Variants in DIPK1A observed in about 807,000 individuals in gnomAD.
DIPK1A encodes the protein family with sequence similarity 69 member A.
In DIPK1A, 27 loss-of-function variants were observed where a neutral mutation model predicts 40.8. The ratio of observed to expected loss-of-function variants is 0.66; its 90% CI spans 0.49 to 0.91. DIPK1A has a LOEUF of 0.91. Among genes scored for constraint, DIPK1A ranks in the 40% least tolerant of loss-of-function variants. DIPK1A has a pLI of 0.00. For synonymous variants in DIPK1A, 166 were observed against 171.3 expected, an observed-to-expected ratio of 0.97 and a Z score of 0.24; for missense variants, 412 against 505.7, an observed-to-expected ratio of 0.81 and a Z score of 1.78.
At chr1:92,928,816 G>C (rs1271949210) in intron 1 of DIPK1A, among the ~76,000 whole-genome samples, 1 of 152,126 alleles carries the variant, frequency 6.6e-6, no homozygotes, top group Non-Finnish European at 1.5e-5. Flanking sequence ...ACAAAAATCA[G>C]CTGGGCGTGG....
chr1:92,911,227 G>T (rs1056395791), intron 1 of DIPK1A, among the ~76,000 whole-genome samples: 1 of 152,126 alleles, frequency 6.6e-6, no homozygotes, highest in African/African-American at 2.4e-5. Context: ...TAAAACATGG[G>T]GGCAGAGCCC....
intron 1 of DIPK1A, among the ~76,000 whole-genome samples, chr1:92,895,085 G>A (rs1479942342): frequency 2.6e-5 from 4 of 152,054 alleles, no homozygotes; most frequent in South Asian, 2.1e-4. Context: ...ACAAGGAGGA[G>A]CTGGTACCAT....
intron 4 of DIPK1A, chr1:92,835,227 C>T (rs769455248): frequency 5.7e-5 from 25 of 435,554 alleles, no homozygotes; most frequent in Non-Finnish European, 6.8e-5. Flanking sequence ...ACAATGAAGA[C>T]CCTTGCTACT....
At position 92,909,404 on chromosome 1, in the gene DIPK1A, G is replaced by A. The variant is rs576353043; in HGVS notation, c.55-32974C>T. 1.1e-4 allele frequency among the ~76,000 whole-genome samples: 16 copies of A among 152,222 alleles called. No homozygotes were observed. In the East Asian group the frequency reaches 2.7e-3, roughly 26 times the overall value. On this transcript the variant is annotated intron_variant, in intron 1 of 4. Coordinates refer to ENST00000370310, the MANE Select transcript of DIPK1A (RefSeq NM_001006605.5). ...AAAATACACACAATAAAAGCCAAAC[G>A]GGTCCAGGCTGGTTCTCCGATGCCT... is the stretch of plus-strand genomic sequence containing the variant.
chr1:92,880,634 T>C (rs568154323), intron 1 of DIPK1A, among the ~76,000 whole-genome samples: 4 of 152,090 alleles, frequency 2.6e-5, no homozygotes, highest in African/African-American at 9.6e-5. Flanking sequence ...TTTGGGAGGC[T>C]GAGGTGGGAG....
intron 2 of DIPK1A, among the ~76,000 whole-genome samples, chr1:92,852,071 G>A (rs895466854): frequency 1.3e-5 from 2 of 152,146 alleles, no homozygotes; most frequent in Admixed American, 6.6e-5. Flanking sequence ...GTTGCTTCCC[G>A]CACATGGCTG....
chr1:92,836,413 C>T (rs932454617), intron 4 of DIPK1A: 2 of 1,606,256 alleles, frequency 1.2e-6, no homozygotes, highest in African/African-American at 1.3e-5. Context: ...TATTTAAGAC[C>T]TTGGTGCCTG....
intron 1 of DIPK1A, among the ~76,000 whole-genome samples, chr1:92,923,144 T>C (rs1455098642): frequency 3.3e-5 from 5 of 152,300 alleles, no homozygotes; most frequent in African/African-American, 1.2e-4. Context: ...TGTATGTTTG[T>C]TTTTGTTTTT....
At chr1:92,872,137 T>G (rs1010018254) in intron 2 of DIPK1A, among the ~76,000 whole-genome samples, 1 of 135,920 alleles carries the variant, frequency 7.4e-6, no homozygotes, top group Non-Finnish European at 1.5e-5. Context: ...TGGAGTGCAG[T>G]GATGTGATCT....
intron 3 of DIPK1A, among the ~76,000 whole-genome samples, chr1:92,850,348 AAAAC>A (rs147844605): frequency 0.015 from 2,231 of 152,310 alleles, 21 homozygotes; most frequent in Admixed American, 0.033. Flanking sequence ...AAAACAAAAC[AAAAC>A]AGTGTCTGGA....
At chr1:92,883,986 T>TA (rs1374589965) in intron 1 of DIPK1A, among the ~76,000 whole-genome samples, 1 of 152,180 alleles carries the variant, frequency 6.6e-6, no homozygotes, top group East Asian at 1.9e-4. Flanking sequence ...CCTTCTGCCT[T>TA]AGAGGAGAAC....
chr1:92,857,707 G>A (rs1345934520), intron 2 of DIPK1A, among the ~76,000 whole-genome samples: 2 of 152,070 alleles, frequency 1.3e-5, no homozygotes, highest in Admixed American at 6.6e-5. Context: ...CTATGGAATA[G>A]GTATTACCAT....
chr1:92,878,989 A>G (rs372536391), intron 1 of DIPK1A, among the ~76,000 whole-genome samples: 17 of 152,242 alleles, frequency 1.1e-4, no homozygotes, highest in African/African-American at 4.1e-4. Flanking sequence ...CCTGGGTGAC[A>G]GAGCAAGACT....
At chr1:92,910,378 C>T (rs977786920) in intron 1 of DIPK1A, among the ~76,000 whole-genome samples, 4 of 152,062 alleles carry the variant, frequency 2.6e-5, no homozygotes, top group African/African-American at 7.2e-5. Context: ...AATCAGAATC[C>T]GTAGGGAGTA....
chr1:92,918,491 T>C (rs551829166), intron 1 of DIPK1A, among the ~76,000 whole-genome samples: 1 of 152,322 alleles, frequency 6.6e-6, no homozygotes, highest in Admixed American at 6.5e-5. Flanking sequence ...ATCAAGAAAT[T>C]TCTCATTTAT....
At chr1:92,839,303 G>A (rs1229352619), downstream of DIPK1A, among the ~76,000 whole-genome samples, 1 of 152,174 alleles carries the variant, frequency 6.6e-6, no homozygotes, top group Admixed American at 6.5e-5. Context: ...AGGTTGCACT[G>A]AGCTGGGATC....
chr1:92,851,727 C>T (rs1687834528), intron 2 of DIPK1A, among the ~76,000 whole-genome samples: 1 of 151,946 alleles, frequency 6.6e-6, no homozygotes, highest in Admixed American at 6.6e-5. Context: ...TGAGGATGAC[C>T]TGCCAAATTC....
At chr1:92,838,277 C>T (rs1304988543), downstream of DIPK1A, among the ~76,000 whole-genome samples, 2 of 152,152 alleles carry the variant, frequency 1.3e-5, no homozygotes, top group African/African-American at 4.8e-5. Context: ...GCTTGAGTTT[C>T]TGAGTTAGGA....
At chr1:92,942,709 G>T (rs1449949994) in intron 1 of DIPK1A, among the ~76,000 whole-genome samples, 2 of 152,084 alleles carry the variant, frequency 1.3e-5, no homozygotes, top group African/African-American at 4.8e-5. Flanking sequence ...ACCCAGGCTG[G>T]AGTGCAGTGG....
Sources: allele counts gnomAD v4.1 joint callset (sites outside exome capture counted in the v4.1 genomes callset), GRCh38; gene constraint gnomAD v4.1.1; transcripts MANE v1.5; gene names NCBI Gene and HGNC (gene_info 2026-07-23, HGNC 2026-07-21).